The following CD276 variants were observed in gnomAD, a reference collection of about 807,000 sequenced individuals.
CD276 encodes CD276 molecule.
A neutral mutation model predicts 50.0 loss-of-function variants in CD276; 34 were observed. The observed-to-expected ratio is 0.68, with a 90% CI of 0.52 to 0.91. The LOEUF (loss-of-function observed/expected upper bound fraction) is 0.91. Ranked by LOEUF, CD276 falls within the 40% of genes least tolerant of loss-of-function variation. The probability of loss-of-function intolerance (pLI) is 0.00; values close to 1 mark genes in which losing one functional copy is unlikely to be tolerated. For missense variants in CD276, 634 were observed against 717.5 expected (o/e 0.88, Z 1.33); for synonymous variants, 275 against 313.0 (o/e 0.88, Z 1.28).
intron 6 of CD276, among the ~76,000 whole-genome samples, chr15:73,707,017 C>T (rs1028877944): frequency 6.6e-6 from 1 of 152,240 alleles, no homozygotes; most frequent in Admixed American, 6.5e-5. Flanking sequence ...AGCTGCTGCC[C>T]TCCTTTTCTG....
rs143255170 is a variant in CD276 at position 73,704,249 on chromosome 15, G to A, written c.1146G>A (p.Thr382=). The A allele has an allele frequency of 0.038, 61,223 of 1,614,156 alleles. 1,370 individuals are homozygous for A. Among genetic ancestry groups the A allele is most frequent in the Non-Finnish European group, 0.046 (53,750 of 1,180,038 alleles). The change falls in exon 6 of 10, where the codon ACG becomes ACA. Residue 382 remains threonine (T), a synonymous_variant. Coordinates refer to ENST00000318443, the MANE Select transcript of CD276 (RefSeq NM_001024736.2). This position sits in a 1 kb window ranked among gnomAD's most constrained non-coding sequence, Gnocchi z 4.1. ...GGCCAGGGGACACGGTGACCATCAC[G>A]TGCTCCAGCTACCGGGGCTACCCTG... is the stretch of plus-strand genomic sequence containing the variant. ...DLRPGDTVTI[T]CSSYRGYPEA...
In CD276 at chr15:73,712,922, C is replaced by T. The variant is rs139193443; in HGVS notation, c.1583-12C>T. 1.3e-3 allele frequency: 2,149 copies of T among 1,612,966 alleles called. 2 individuals carry two copies. Among genetic ancestry groups the T allele is most frequent in the Non-Finnish European group, 1.5e-3 (1,817 of 1,179,388 alleles). ...TCCCTTCCCTTTTTTTTCTTCCCAT[C>T]ATGAAATGAAGATGATGGACAAGAA... On this transcript the variant is annotated splice_polypyrimidine_tract_variant and intron_variant, in intron 9 of 9. Transcript: ENST00000318443.
At position 73,687,133 on chromosome 15, in the gene CD276, C is replaced by T. The variant is rs750114483; in HGVS notation, c.-55+2673C>T. 1.2e-4 allele frequency among the ~76,000 whole-genome samples: 19 copies of T among 152,110 alleles called. No individual in the cohort carries two copies. Among genetic ancestry groups the T allele is most frequent in the Non-Finnish European group, 2.2e-4 (15 of 68,026 alleles). On this transcript the variant is annotated intron_variant, in intron 1 of 9. Coordinates refer to ENST00000318443, the MANE Select transcript of CD276 (RefSeq NM_001024736.2). The surrounding 1 kb of genome is among the most constrained non-coding windows in gnomAD (Gnocchi z 4.0). ...GGACCCCACACCTGGAAGGGGGCCACGTGTACAGTTATGCAACCCTTGCCT... is the reference window on the plus strand; with the variant it reads ...GGACCCCACACCTGGAAGGGGGCCATGTGTACAGTTATGCAACCCTTGCCT...
At chr15:73,708,652 G>A (rs908963741) in intron 7 of CD276, 179 bp downstream of exon 7, 21 of 678,782 alleles carry the variant, frequency 3.1e-5, no homozygotes, top group Non-Finnish European at 5.0e-5. Flanking sequence ...GTGAACAAGC[G>A]TGAGCCTGTC....
chr15:73,707,978 A>G (rs910781027), intron 6 of CD276, among the ~76,000 whole-genome samples: 1 of 152,240 alleles, frequency 6.6e-6, no homozygotes, highest in Non-Finnish European at 1.5e-5. Context: ...AGGCTCCTAC[A>G]GTAGAATTAG....
chr15:73,689,193 TGTG>T lies in CD276; in HGVS notation c.-55+4734_-55+4736del, dbSNP rs1567012305. Among the ~76,000 whole-genome samples, 72 of 128,842 alleles carry T rather than the reference TGTG, an allele frequency of 5.6e-4. 1 individual carries two copies. The highest frequency in any genetic ancestry group is 3.6e-3 in the Admixed American group (49 of 13,582). The allele number at this position is 128,842 out of a possible 152,430, so 84.5% of individuals were successfully genotyped here. A position where few individuals can be genotyped will look rare whatever the true frequency, so the allele number is the denominator to read the frequency against. On this transcript the variant is annotated intron_variant, in intron 1 of 9. Coordinates refer to ENST00000318443, the MANE Select transcript of CD276 (RefSeq NM_001024736.2). Reference sequence around the variant, plus strand: ...TTTTCAGGGCTCTGTGCCTCCTGTGTGTGTGTGTGTGTGTGTGTGTGTGTGTGT... The same window carrying T: ...TTTTCAGGGCTCTGTGCCTCCTGTGTTGTGTGTGTGTGTGTGTGTGTGTGT...
intron 1 of CD276, chr15:73,690,604 C>T: frequency 2.3e-6 from 1 of 442,976 alleles, no homozygotes; most frequent in Non-Finnish European, 4.5e-6. Context: ...ATGGGGGCAG[C>T]ACTTACGCTT....
chr15:73,687,522 AC>A lies in CD276; in HGVS notation c.-55+3064del, dbSNP rs1453815207. On this transcript the variant is annotated intron_variant, in intron 1 of 9. Coordinates refer to ENST00000318443, the MANE Select transcript of CD276 (RefSeq NM_001024736.2). This position sits in a 1 kb window ranked among gnomAD's most constrained non-coding sequence, Gnocchi z 4.0. ...AAGTCAGGGAAGACTCATCTGGGGA[AC>A]CAGAGAAGGGGCAGGCCTGACCTGG... is the stretch of plus-strand genomic sequence containing the variant. Among the ~76,000 whole-genome samples, 1 of 152,194 alleles carries A rather than the reference AC, an allele frequency of 6.6e-6. No individual in the cohort carries two copies. The highest frequency in any genetic ancestry group is 1.5e-5 in the Non-Finnish European group (1 of 68,028).
intron 6 of CD276, 102 bp from the exon 7 acceptor site, chr15:73,708,237 A>C: frequency 7.8e-7 from 1 of 1,290,246 alleles, no homozygotes; most frequent in South Asian, 1.4e-5. Context: ...GTTAGGGCCC[A>C]GTGAGGGTGG....
intron 2 of CD276, among the ~76,000 whole-genome samples, chr15:73,700,287 T>C (rs1459025834): frequency 6.6e-6 from 1 of 152,162 alleles, no homozygotes; most frequent in African/African-American, 2.4e-5. Flanking sequence ...GATGTGACTC[T>C]CCCCACACGG....
At chr15:73,705,772 G>A (rs936641287) in intron 6 of CD276, among the ~76,000 whole-genome samples, 24 of 152,162 alleles carry the variant, frequency 1.6e-4, no homozygotes, top group Admixed American at 9.8e-4. Flanking sequence ...GCAAATGGGA[G>A]CTGAGAAGGC....
At chr15:73,700,892 C>CCTT (rs376894954) in intron 2 of CD276, among the ~76,000 whole-genome samples, 41 of 27,172 alleles carry the variant, frequency 1.5e-3, no homozygotes, top group Non-Finnish European at 1.8e-3. Context: ...TCCCCTCCTC[C>CCTT]CCTCCTCCTC....
Position 73,704,962 on chromosome 15 carries a change from T to C in CD276, c.1369+490T>C, listed in dbSNP as rs1567021503. Among the ~76,000 whole-genome samples, 1 of 152,130 alleles carries C rather than the reference T, an allele frequency of 6.6e-6. No homozygotes were observed. Among genetic ancestry groups the C allele is most frequent in the Non-Finnish European group, 1.5e-5 (1 of 68,002 alleles). On this transcript the variant is annotated intron_variant, in intron 6 of 9. Coordinates refer to ENST00000318443, the MANE Select transcript of CD276 (RefSeq NM_001024736.2). The surrounding 1 kb of genome is among the most constrained non-coding windows in gnomAD (Gnocchi z 4.1). The stretch of plus-strand genomic sequence containing the variant: ...GACTTGCGCTCCACCCAGGCAGCCG[T>C]TGGATGGGCAGGGGCTGTCTCTGCT...
chr15:73,693,301 A>G (rs2141543290), intron 1 of CD276, among the ~76,000 whole-genome samples: 1 of 152,318 alleles, frequency 6.6e-6, no homozygotes, highest in Admixed American at 6.5e-5. Flanking sequence ...CAGAACAGTC[A>G]AAAGAGTACT....
chr15:73,709,960 C>T (rs1321859019), intron 8 of CD276, among the ~76,000 whole-genome samples: 2 of 152,156 alleles, frequency 1.3e-5, no homozygotes, highest in African/African-American at 2.4e-5. Context: ...GGCCCCACAC[C>T]GTGGAGTCTG....
intron 1 of CD276, among the ~76,000 whole-genome samples, chr15:73,685,453 TTGTGTGTGTGTGTGTGTG>T (rs55859831): frequency 3.8e-4 from 50 of 131,926 alleles, no homozygotes; most frequent in Non-Finnish European, 7.2e-4. Context: ...CAAAAAAGAT[TTGTGTGTGTGTGTGTGTG>T]TGTGTGTGTG....
chr15:73,706,733 T>C (rs1272451074), intron 6 of CD276, among the ~76,000 whole-genome samples: 1 of 152,216 alleles, frequency 6.6e-6, no homozygotes, highest in Admixed American at 6.5e-5. Context: ...CTGATGAAGT[T>C]AGTGAAGTTG....
intron 8 of CD276, among the ~76,000 whole-genome samples, chr15:73,710,591 T>G (rs1900856628): frequency 6.6e-6 from 1 of 152,218 alleles, no homozygotes; most frequent in African/African-American, 2.4e-5. Flanking sequence ...AGATTGACAC[T>G]TGGGGACTGC....
chr15:73,703,721 C>G lies in CD276; in HGVS notation c.796C>G (p.Leu266Val). The change falls in exon 5 of 10, where the codon CTG becomes GTG. Residue 266 changes from leucine to valine, a missense_variant. Leu to Val is a conservative substitution (Grantham distance 32). Transcript: ENST00000318443. ...GGCCCTAGTGGGCACCGATGCCACC[C>G]TGCGCTGCTCCTTCTCCCCCGAGCC... ...VVALVGTDAT[L>V]RCSFSPEPGF... The G allele has an allele frequency of 6.2e-7, 1 of 1,613,324 alleles. No individual in the cohort carries two copies. The highest frequency in any genetic ancestry group is 8.5e-7 in the Non-Finnish European group (1 of 1,179,952).
Sources: allele counts gnomAD v4.1 joint callset (sites outside exome capture counted in the v4.1 genomes callset), GRCh38; gene constraint gnomAD v4.1.1; non-coding constraint Gnocchi (gnomAD v3.1); transcripts MANE v1.5; gene names NCBI Gene and HGNC (gene_info 2026-07-23, HGNC 2026-07-21).